Variants in CADPS observed in about 807,000 individuals in gnomAD.
CADPS encodes calcium-dependent secretion activator 1.
In CADPS, 57 loss-of-function variants were observed where a neutral mutation model predicts 167.3. That is an observed-to-expected ratio of 0.34 (90% CI 0.28 to 0.42). The LOEUF (loss-of-function observed/expected upper bound fraction) is 0.42. Among genes scored for constraint, CADPS ranks in the 20% least tolerant of loss-of-function variants. The pLI, the probability that CADPS is intolerant of heterozygous loss-of-function variation, is 1.00. For synonymous variants in CADPS, 676 were observed against 635.3 expected (o/e 1.06, Z -0.96); for missense variants, 1,414 against 1,738.1 (o/e 0.81, Z 3.32).
intron 17 of CADPS, among the ~76,000 whole-genome samples, chr3:62,500,944 A>C (rs1027049413): frequency 1.3e-5 from 2 of 152,188 alleles, no homozygotes; most frequent in Admixed American, 1.3e-4. Flanking sequence ...AGCAAATGGG[A>C]TGTAAGGTGA....
rs2059813874 is a variant in CADPS at position 62,465,243 on chromosome 3, C to A, written c.3636+124G>T. ...CTTTTCACATAGTGTTAATATTATA[C>A]AATAGTTGACTATAATTAACACACA... On this transcript the variant is annotated intron_variant, in intron 26 of 29. Transcript: ENST00000383710. This position sits in a 1 kb window ranked among gnomAD's most constrained non-coding sequence, Gnocchi z 4.1. The A allele has an allele frequency of 4.7e-6, 3 of 637,874 alleles. No individual in the cohort carries two copies. Among genetic ancestry groups the A allele is most frequent in the Non-Finnish European group, 8.4e-6 (3 of 356,342 alleles). 39.5% of individuals were successfully genotyped at this position (637,874 alleles called of 1,614,324 possible). A position where few individuals can be genotyped will look rare whatever the true frequency, so the allele number is the denominator to read the frequency against.
intron 1 of CADPS, among the ~76,000 whole-genome samples, chr3:62,819,411 T>C (rs1029631308): frequency 1.6e-3 from 117 of 73,184 alleles, no homozygotes; most frequent in East Asian, 7.1e-4. Flanking sequence ...TGTGTGCGTG[T>C]GTGTGTGTGT....
At chr3:62,742,993 A>G (rs968849944) in intron 3 of CADPS, among the ~76,000 whole-genome samples, 2 of 152,214 alleles carry the variant, frequency 1.3e-5, no homozygotes, top group Non-Finnish European at 2.9e-5. Context: ...AAAAGAAGAC[A>G]TACATGCAGC....
intron 3 of CADPS, among the ~76,000 whole-genome samples, chr3:62,689,674 TC>T (rs747477566): frequency 3.3e-5 from 5 of 152,092 alleles, no homozygotes; most frequent in African/African-American, 7.2e-5. Flanking sequence ...TTATAGAATT[TC>T]TTCCTGCCAA....
At chr3:62,683,845 A>G (rs2077530397) in intron 3 of CADPS, among the ~76,000 whole-genome samples, 1 of 151,954 alleles carries the variant, frequency 6.6e-6, no homozygotes, top group Non-Finnish European at 1.5e-5. Context: ...AGTTTTTCTC[A>G]TGGATAGGTT....
At chr3:62,702,602 A>C (rs2151583427) in intron 3 of CADPS, among the ~76,000 whole-genome samples, 1 of 152,194 alleles carries the variant, frequency 6.6e-6, no homozygotes, top group East Asian at 1.9e-4. Flanking sequence ...GAAACAAAGG[A>C]AATGTTGGAG....
intron 8 of CADPS, among the ~76,000 whole-genome samples, chr3:62,580,594 A>T (rs1190916076): frequency 6.8e-6 from 1 of 147,988 alleles, no homozygotes; most frequent in African/African-American, 2.6e-5. Context: ...ATAAAAAAAA[A>T]TAAAAAAAAA....
chr3:62,615,378 ACT>A lies in CADPS; in HGVS notation c.1326-22632_1326-22631del, dbSNP rs146680551. Reference sequence around the variant, plus strand: ...CTCTTAGTTGGGAGTTATGCTAATGACTCTCCCACTTCCCAGCAAATGATGAT... The same window carrying A: ...CTCTTAGTTGGGAGTTATGCTAATGACTCCCACTTCCCAGCAAATGATGAT... On this transcript the variant is annotated intron_variant, in intron 6 of 29. Coordinates refer to ENST00000383710, the MANE Select transcript of CADPS (RefSeq NM_003716.4). 9.7e-4 allele frequency among the ~76,000 whole-genome samples: 148 copies of A among 152,124 alleles called. 1 individual carries two copies. The highest frequency in any genetic ancestry group is 3.5e-3 in the African/African-American group (144 of 41,480).
At chr3:62,641,101 A>T (rs1466000862) in intron 6 of CADPS, among the ~76,000 whole-genome samples, 1 of 152,162 alleles carries the variant, frequency 6.6e-6, no homozygotes, top group Non-Finnish European at 1.5e-5. Flanking sequence ...TTTAAATGTT[A>T]ATGTATTTCT....
At chr3:62,628,030 C>T (rs887667430) in intron 6 of CADPS, among the ~76,000 whole-genome samples, 1 of 152,182 alleles carries the variant, frequency 6.6e-6, no homozygotes, top group African/African-American at 2.4e-5. Context: ...AAACACCTAG[C>T]TCTTTTCTAT....
intron 29 of CADPS, among the ~76,000 whole-genome samples, chr3:62,402,446 G>A (rs1168408953): frequency 6.6e-6 from 1 of 152,092 alleles, no homozygotes; most frequent in African/African-American, 2.4e-5. Flanking sequence ...CCCCTTCTGT[G>A]ATCTTATTAT....
At chr3:62,547,125 A>C (rs2076571922) in intron 11 of CADPS, among the ~76,000 whole-genome samples, 1 of 152,308 alleles carries the variant, frequency 6.6e-6, no homozygotes, top group Non-Finnish European at 1.5e-5. Context: ...TGCAGTTTTT[A>C]TTAAGTGCTT....
At chr3:62,866,024 A>G (rs964760135) in intron 1 of CADPS, among the ~76,000 whole-genome samples, 20 of 152,228 alleles carry the variant, frequency 1.3e-4, no homozygotes, top group Non-Finnish European at 2.6e-4. Context: ...TGCACACCCA[A>G]TATGAAAACT....
intron 28 of CADPS, among the ~76,000 whole-genome samples, chr3:62,407,827 A>G (rs1480695611): frequency 6.6e-6 from 1 of 152,132 alleles, no homozygotes; most frequent in African/African-American, 2.4e-5. Flanking sequence ...TCTGTCTCCC[A>G]GGTTCAAGTG....
intron 1 of CADPS, among the ~76,000 whole-genome samples, chr3:62,801,204 A>G (rs560986861): frequency 1.3e-5 from 2 of 152,328 alleles, no homozygotes; most frequent in African/African-American, 4.8e-5. Flanking sequence ...TAATATAAGA[A>G]AAGAAAGAAC....
intron 3 of CADPS, among the ~76,000 whole-genome samples, chr3:62,687,182 G>A (rs572792394): frequency 3.9e-5 from 6 of 152,218 alleles, no homozygotes; most frequent in South Asian, 2.1e-4. Context: ...GGCCCAACAC[G>A]GGGGTGGCAA....
In CADPS at chr3:62,481,862, T is replaced by A. The variant is rs1404985212; in HGVS notation, c.3034A>T (p.Thr1012Ser). The change falls in exon 22 of 30, where the codon ACC (threonine) becomes TCC (serine). Residue 1012 changes from threonine (T) to serine (S), a missense_variant. Around this residue, in one of 6 missense-constraint regions of CADPS, gnomAD observed 529 missense variants for 629.6 expected, o/e 0.84. Transcript: ENST00000383710. Reference sequence around the variant, plus strand: ...AGGTTCACATTGGGTAGGTTACTGGTTAAACTCCTGTGGAAGAAACAGACA... The same window carrying A: ...AGGTTCACATTGGGTAGGTTACTGGATAAACTCCTGTGGAAGAAACAGACA... ...RESWEPVKSL[T>S]SNLPNVNLPN... 2 of 1,608,436 alleles carry A rather than the reference T, an allele frequency of 1.2e-6. No individual in the cohort carries two copies. The highest frequency in any genetic ancestry group is 4.5e-5 in the East Asian group (2 of 44,592).
chr3:62,408,257 A>G (rs926564847), intron 28 of CADPS, among the ~76,000 whole-genome samples: 1 of 152,214 alleles, frequency 6.6e-6, no homozygotes, highest in African/African-American at 2.4e-5. Context: ...AGGGTTGTAC[A>G]AGTGCAGGAT....
chr3:62,576,430 C>T (rs887764217), intron 8 of CADPS, among the ~76,000 whole-genome samples: 3 of 151,978 alleles, frequency 2.0e-5, no homozygotes, highest in Non-Finnish European at 4.4e-5. Flanking sequence ...TTAGCACGCT[C>T]ACTGGCACGT....
Sources: allele counts gnomAD v4.1 joint callset (sites outside exome capture counted in the v4.1 genomes callset), GRCh38; gene constraint gnomAD v4.1.1; regional missense constraint gnomAD v4.1.1; non-coding constraint Gnocchi (gnomAD v3.1); transcripts MANE v1.5; gene names NCBI Gene and HGNC (gene_info 2026-07-23, HGNC 2026-07-21).